Variants in LEKR1 observed in about 807,000 individuals in gnomAD.
LEKR1 encodes leucine, glutamate and lysine rich 1, also known as protein LEKR1.
Under a neutral mutation model 72.4 loss-of-function variants are expected in LEKR1, and 59 were observed. That is an observed-to-expected ratio of 0.82 (90% CI 0.66 to 1.01). The LOEUF (loss-of-function observed/expected upper bound fraction) is 1.01. LEKR1 is among the 50% of genes least tolerant of loss of function. The probability of loss-of-function intolerance (pLI) is 0.00; values close to 1 mark genes in which losing one functional copy is unlikely to be tolerated. For missense variants in LEKR1, 728 were observed against 759.2 expected, an observed-to-expected ratio of 0.96 and a Z score of 0.48; for synonymous variants, 257 against 263.2, an observed-to-expected ratio of 0.98 and a Z score of 0.23.
rs749860013 is a variant in LEKR1, at chr3:156,930,342, A to AT, written c.559+2747dup. 7.2e-5 allele frequency among the ~76,000 whole-genome samples: 11 copies of AT among 151,876 alleles called. No homozygotes were observed. The East Asian group carries it at 1.3e-3, about 19-fold the overall frequency. On this transcript the variant is annotated intron_variant, in intron 5 of 12. Transcript: ENST00000356539. ...ATATAAAAGACTCCTTTTCCTTTAA[A>AT]TTTTTTTTTAAAAACTCACATGCTT...
chr3:156,993,018 A>C, intron 8 of LEKR1, 56 bp from the exon 9 acceptor site: 4 of 880,264 alleles, frequency 4.5e-6, no homozygotes, highest in Admixed American at 2.6e-5. Context: ...TCTTTGGTAA[A>C]TATAAAATGT....
intron 3 of LEKR1, among the ~76,000 whole-genome samples, chr3:156,894,120 TGGTCAGGAGTATCCTCTGA>T (rs1030277448): frequency 6.6e-6 from 1 of 152,226 alleles, no homozygotes; most frequent in African/African-American, 2.4e-5. Flanking sequence ...GACTTCATCT[TGGTCAGGAGTATCCTCTGA>T]AAGGGATAGC....
intron 2 of LEKR1, among the ~76,000 whole-genome samples, chr3:156,831,329 C>G (rs1712371783): frequency 6.6e-6 from 1 of 152,106 alleles, no homozygotes. Flanking sequence ...AATAATGGCT[C>G]CTAGTCATTT....
intron 3 of LEKR1, among the ~76,000 whole-genome samples, chr3:156,891,408 G>A (rs1027744183): frequency 6.6e-6 from 1 of 152,130 alleles, no homozygotes; most frequent in African/African-American, 2.4e-5. Context: ...TCTAGGAGTG[G>A]AGGAATTGAA....
At chr3:156,896,473 A>G (rs1052976098) in intron 3 of LEKR1, among the ~76,000 whole-genome samples, 3 of 152,240 alleles carry the variant, frequency 2.0e-5, no homozygotes, top group African/African-American at 4.8e-5. Context: ...ATCACTATTC[A>G]TTAGAGAAAT....
chr3:156,928,757 C>T (rs1473850841), intron 5 of LEKR1, among the ~76,000 whole-genome samples: 1 of 152,006 alleles, frequency 6.6e-6, no homozygotes, highest in Non-Finnish European at 1.5e-5. Flanking sequence ...CTAAATAGTC[C>T]ATCTGAAACT....
chr3:156,935,695 C>T (rs565091908), intron 5 of LEKR1, among the ~76,000 whole-genome samples: 2 of 152,278 alleles, frequency 1.3e-5, no homozygotes, highest in South Asian at 2.1e-4. Context: ...GCCTAAGAAG[C>T]ATGCAGACCT....
At position 156,852,780 on chromosome 3, in the gene LEKR1, G is replaced by A. The variant is rs1052923628; in HGVS notation, c.61G>A (p.Glu21Lys). The A allele has an allele frequency of 3.3e-6, 5 of 1,518,424 alleles. No homozygotes were observed. The highest frequency in any genetic ancestry group is 4.4e-6 in the Non-Finnish European group (5 of 1,138,854). The allele number at this position is 1,518,424 out of a possible 1,614,324, so 94.1% of individuals were successfully genotyped here. A position where few individuals can be genotyped will look rare whatever the true frequency, so the allele number is the denominator to read the frequency against. Residue 21 changes from glutamate (E) to lysine (K), a missense_variant, in exon 3 of 13, where the codon GAA becomes AAA. By Grantham distance (56) the Glu-to-Lys change is moderately conservative. Coordinates refer to ENST00000356539, the MANE Select transcript of LEKR1 (RefSeq NM_001004316.3). ...TTCTGTTTCCTAGATGTTGCCTGAA[G>A]AAAAAGTTTGTAAGTACTGTGGAGT... is the stretch of plus-strand genomic sequence containing the variant. ...PEEIQKMLPE[E>K]KVCKYCGVSY...
intron 7 of LEKR1, among the ~76,000 whole-genome samples, chr3:156,991,988 G>A (rs113550218): frequency 1.3e-5 from 2 of 152,178 alleles, no homozygotes; most frequent in Admixed American, 6.5e-5. Flanking sequence ...AAGTGGTGTT[G>A]CTTCACCTCA....
At position 156,840,537 on chromosome 3, in the gene LEKR1, A is replaced by T. The variant is rs558672587; in HGVS notation, c.48+11160A>T. On this transcript the variant is annotated intron_variant, in intron 2 of 12. Transcript: ENST00000356539. ...TTCGGGTTTTTCAGTAAATCTAGTT[A>T]ACTCTTAATTAACAACTAATCTGTT... Among the ~76,000 whole-genome samples the T allele has an allele frequency of 2.8e-4, 43 of 152,328 alleles. 1 individual carries two copies. The highest frequency in any genetic ancestry group is 2.7e-3 in the Admixed American group (42 of 15,292).
intron 9 of LEKR1, among the ~76,000 whole-genome samples, chr3:156,995,471 A>T (rs1378968636): frequency 6.6e-6 from 1 of 151,862 alleles, no homozygotes; most frequent in Non-Finnish European, 1.5e-5. Context: ...GCTTTAGTCT[A>T]TCCAGAATAT....
intron 7 of LEKR1, among the ~76,000 whole-genome samples, chr3:156,988,983 C>A (rs1730935615): frequency 6.6e-6 from 1 of 152,058 alleles, no homozygotes; most frequent in Admixed American, 6.5e-5. Context: ...AGGTGCACAC[C>A]ACCACACCCG....
intron 12 of LEKR1, among the ~76,000 whole-genome samples, chr3:157,031,317 C>T (rs548303902): frequency 9.5e-4 from 144 of 152,110 alleles, no homozygotes; most frequent in Non-Finnish European, 1.6e-3. Context: ...TATAAATGAT[C>T]ACAGATCATT....
intron 6 of LEKR1, among the ~76,000 whole-genome samples, chr3:156,961,434 C>T (rs971937360): frequency 4.6e-5 from 7 of 152,206 alleles, no homozygotes; most frequent in Non-Finnish European, 8.8e-5. Flanking sequence ...ACTCCCCTTA[C>T]ACTCCTGCCC....
At chr3:156,967,090 A>AC (rs1480221069) in intron 6 of LEKR1, among the ~76,000 whole-genome samples, 3 of 152,224 alleles carry the variant, frequency 2.0e-5, no homozygotes, top group Non-Finnish European at 4.4e-5. Context: ...AGGAAAACTA[A>AC]CAAACAGAAA....
intron 12 of LEKR1, among the ~76,000 whole-genome samples, chr3:157,036,973 T>C (rs550394874): frequency 6.6e-6 from 1 of 152,194 alleles, no homozygotes; most frequent in African/African-American, 2.4e-5. Context: ...AATGTCATCT[T>C]AGTACATAAC....
chr3:156,852,883 A>C lies in LEKR1; in HGVS notation c.164A>C (p.Gln55Pro), dbSNP rs996235540. 39 of 1,534,882 alleles carry C rather than the reference A, an allele frequency of 2.5e-5. 1 individual carries two copies. Among genetic ancestry groups the C allele is most frequent in the Non-Finnish European group, 3.2e-5 (37 of 1,145,108 alleles). Residue 55 changes from glutamine to proline, a missense_variant, in exon 3 of 13, where the codon CAA (glutamine) becomes CCA (proline). Gln to Pro is a moderately conservative substitution (Grantham distance 76). Transcript: ENST00000356539. ...ATGGAAAAAGAGATGAAATTTTATC[A>C]AGGAAGTGTAGATCGTGAAAAGAGA... Reference protein sequence around the residue: ...KAMEKEMKFYQGSVDREKRLQ... With the variant: ...KAMEKEMKFYPGSVDREKRLQ...
At chr3:157,016,733 A>T (rs539014054) in intron 10 of LEKR1, among the ~76,000 whole-genome samples, 1 of 152,288 alleles carries the variant, frequency 6.6e-6, no homozygotes, top group Admixed American at 6.5e-5. Flanking sequence ...GATGATATTT[A>T]TAACATAGAA....
At chr3:156,899,326 A>G (rs1380300987) in intron 3 of LEKR1, among the ~76,000 whole-genome samples, 1 of 127,662 alleles carries the variant, frequency 7.8e-6, no homozygotes, top group South Asian at 2.2e-4. Flanking sequence ...GTATATATAC[A>G]TATATACATA....
Sources: allele counts gnomAD v4.1 joint callset (sites outside exome capture counted in the v4.1 genomes callset), GRCh38; gene constraint gnomAD v4.1.1; transcripts MANE v1.5; gene names NCBI Gene and HGNC (gene_info 2026-07-23, HGNC 2026-07-21).